Variants in NLRC4 observed in about 807,000 individuals in gnomAD.
NLRC4 encodes the protein NLR family CARD domain-containing protein 4.
In NLRC4, 63 loss-of-function variants were observed where a neutral mutation model predicts 79.9. The ratio of observed to expected loss-of-function variants is 0.79; its 90% CI spans 0.64 to 0.97. NLRC4 has a LOEUF of 0.97. Ranked by LOEUF, NLRC4 falls within the 50% of genes least tolerant of loss-of-function variation. The pLI, the probability that NLRC4 is intolerant of heterozygous loss-of-function variation, is 0.00. For missense variants in NLRC4, 1,074 were observed against 1,215.2 expected (o/e 0.88, Z 1.73); for synonymous variants, 461 against 456.5 (o/e 1.01, Z -0.12).
rs757448591 is a variant in NLRC4 at position 32,231,572 on chromosome 2, T to TGCGG, written c.2782+3828_2782+3829insCCGC. ...CTTTCTTTCTTTTTCTATTTTTTTTTGTGGGGGGGGGGTGGGGGACTGGGT... is the reference window on the plus strand; with the variant it reads ...CTTTCTTTCTTTTTCTATTTTTTTTTGCGGGTGGGGGGGGGGTGGGGGACTGGGT... On this transcript the variant is annotated intron_variant, in intron 8 of 8. Coordinates refer to ENST00000402280, the MANE Select transcript of NLRC4 (RefSeq NM_001199138.2). 2.2e-3 allele frequency among the ~76,000 whole-genome samples: 133 copies of TGCGG among 59,454 alleles called. 3 individuals carry two copies. The highest frequency in any genetic ancestry group is 2.7e-3 in the Non-Finnish European group (89 of 33,264). The allele number at this position is 59,454 out of a possible 152,430, so 39.0% of individuals were successfully genotyped here. A position where few individuals can be genotyped will look rare whatever the true frequency, so the allele number is the denominator to read the frequency against.
At chr2:32,230,916 A>G (rs1394020801) in intron 8 of NLRC4, among the ~76,000 whole-genome samples, 2 of 152,278 alleles carry the variant, frequency 1.3e-5, no homozygotes, top group South Asian at 4.2e-4. Flanking sequence ...TATCCTTGCC[A>G]ACAACACTTG....
chr2:32,252,060 G>C (rs1435855588), intron 3 of NLRC4, among the ~76,000 whole-genome samples: 4 of 152,220 alleles, frequency 2.6e-5, no homozygotes, highest in Admixed American at 2.0e-4. Context: ...CCTGGACATG[G>C]AGTAGGTAGT....
chr2:32,231,447 G>A (rs1686530448), intron 8 of NLRC4, among the ~76,000 whole-genome samples: 1 of 151,222 alleles, frequency 6.6e-6, no homozygotes. Context: ...CAGCCACCAC[G>A]CCCGGCCATA....
chr2:32,255,535 A>G (rs550266888), intron 2 of NLRC4, among the ~76,000 whole-genome samples: 5 of 148,416 alleles, frequency 3.4e-5, no homozygotes, highest in Non-Finnish European at 7.4e-5. Flanking sequence ...AAAAAAAAAA[A>G]AAATAAGAAA....
intron 4 of NLRC4, among the ~76,000 whole-genome samples, chr2:32,244,574 G>C (rs1412486646): frequency 6.6e-6 from 1 of 152,042 alleles, no homozygotes; most frequent in Non-Finnish European, 1.5e-5. Flanking sequence ...AAGGAATACA[G>C]ATTGGAAGGG....
At chr2:32,248,237 C>A (rs1002016218) in intron 4 of NLRC4, among the ~76,000 whole-genome samples, 1 of 152,092 alleles carries the variant, frequency 6.6e-6, no homozygotes, top group East Asian at 1.9e-4. Context: ...TAGCTGTAAA[C>A]TAAAAATCCT....
chr2:32,261,470 C>A (rs941677600), intron 1 of NLRC4, among the ~76,000 whole-genome samples: 3 of 149,846 alleles, frequency 2.0e-5, no homozygotes, highest in Admixed American at 2.0e-4. Flanking sequence ...TGCCTCCTCA[C>A]CCAGCTAATT....
Position 32,251,284 on chromosome 2 carries a change from G to A in NLRC4, c.580C>T (p.Leu194=). Residue 194 remains leucine, a synonymous_variant, in exon 4 of 9, where the codon CTG becomes TTG. Coordinates refer to ENST00000402280, the MANE Select transcript of NLRC4 (RefSeq NM_001199138.2). ...MLWGSGKCKA[L]TKFKFVFFLR... Reference sequence around the variant, plus strand: ...AAGAAGACGAATTTGAACTTGGTCAGAGCCTTGCACTTTCCGGAGCCCCAG... The same window carrying A: ...AAGAAGACGAATTTGAACTTGGTCAAAGCCTTGCACTTTCCGGAGCCCCAG... 6.2e-7 allele frequency: 1 copy of A among 1,614,150 alleles called. No individual in the cohort carries two copies. Among genetic ancestry groups the A allele is most frequent in the Non-Finnish European group, 8.5e-7 (1 of 1,180,024 alleles).
intron 8 of NLRC4, among the ~76,000 whole-genome samples, chr2:32,226,859 A>G (rs1050452345): frequency 5.3e-5 from 8 of 151,986 alleles, no homozygotes; most frequent in Admixed American, 1.3e-4. Flanking sequence ...CAGCCTGGGT[A>G]ACGAGTGAAA....
intron 8 of NLRC4, among the ~76,000 whole-genome samples, chr2:32,225,902 T>A (rs1686379016): frequency 6.6e-6 from 1 of 152,214 alleles, no homozygotes; most frequent in Non-Finnish European, 1.5e-5. Context: ...TTGTGTTTCT[T>A]GGGAGATGTG....
chr2:32,237,323 A>G (rs1573476698), intron 6 of NLRC4, among the ~76,000 whole-genome samples: 1 of 152,188 alleles, frequency 6.6e-6, no homozygotes, highest in Admixed American at 6.5e-5. Flanking sequence ...GTGCTCTACA[A>G]TAAAAAACCT....
At position 32,241,220 on chromosome 2, in the gene NLRC4, T is replaced by A. The variant is rs778247898; in HGVS notation, c.2258-95A>T. 350 of 782,966 alleles carry A rather than the reference T, an allele frequency of 4.5e-4. 1 individual carries two copies. Among genetic ancestry groups the A allele is most frequent in the Non-Finnish European group, 6.9e-4 (322 of 469,478 alleles). The allele number at this position is 782,966 out of a possible 1,614,324, so 48.5% of individuals were successfully genotyped here. A position where few individuals can be genotyped will look rare whatever the true frequency, so the allele number is the denominator to read the frequency against. ...GTCATTTTTGTTACCAATCAAAAGA[T>A]TTTAATGATCATCATGAGCCAAAAA... On this transcript the variant is annotated intron_variant, in intron 4 of 8. Transcript: ENST00000402280.
chr2:32,232,038 C>G (rs1686550488), intron 8 of NLRC4, among the ~76,000 whole-genome samples: 1 of 152,044 alleles, frequency 6.6e-6, no homozygotes, highest in Non-Finnish European at 1.5e-5. Context: ...AGAAGTCCCT[C>G]AGTTAGGATT....
At chr2:32,249,142 C>G (rs943984078) in intron 4 of NLRC4, among the ~76,000 whole-genome samples, 1 of 152,160 alleles carries the variant, frequency 6.6e-6, no homozygotes, top group Non-Finnish European at 1.5e-5. Flanking sequence ...TTTGGTTTCC[C>G]TGGGCCACAT....
intron 4 of NLRC4, among the ~76,000 whole-genome samples, chr2:32,243,071 A>C (rs1686842846): frequency 6.7e-6 from 1 of 149,624 alleles, no homozygotes; most frequent in South Asian, 2.1e-4. Context: ...AGAGAGAGAG[A>C]GAGAATAGAG....
intron 4 of NLRC4, among the ~76,000 whole-genome samples, chr2:32,244,556 A>G (rs924255127): frequency 1.3e-5 from 2 of 151,768 alleles, no homozygotes; most frequent in African/African-American, 4.8e-5. Flanking sequence ...AAAAAAAAAA[A>G]TAAATAAAAG....
At chr2:32,264,509 C>T (rs1200991707) in intron 1 of NLRC4, among the ~76,000 whole-genome samples, 5 of 151,158 alleles carry the variant, frequency 3.3e-5, no homozygotes, top group Admixed American at 3.3e-4. Context: ...TTCCATCTCA[C>T]AGTAGTCCAA....
At chr2:32,241,815 A>C (rs1264525142) in intron 4 of NLRC4, among the ~76,000 whole-genome samples, 2 of 152,166 alleles carry the variant, frequency 1.3e-5, no homozygotes, top group Non-Finnish European at 2.9e-5. Context: ...CAAAATCTGC[A>C]GCTCTCTCCT....
chr2:32,240,906 A>T (rs1355350706), intron 5 of NLRC4, 127 bp downstream of exon 5: 2 of 614,964 alleles, frequency 3.3e-6, no homozygotes, highest in Non-Finnish European at 5.7e-6. Context: ...GTCTGGGGAA[A>T]CCAATGTAGC....
Sources: gnomAD v4.1 joint callset for allele counts (sites outside exome capture counted in the v4.1 genomes callset) on GRCh38, gnomAD v4.1.1 for gene constraint, MANE v1.5 for transcripts, NCBI Gene and HGNC (gene_info 2026-07-23, HGNC 2026-07-21) for gene names.